Variants in CCDC144A observed in about 807,000 individuals in gnomAD.
CCDC144A encodes the protein coiled-coil domain containing 144A.
In CCDC144A, 41 loss-of-function variants were observed where a neutral mutation model predicts 143.8. That is an observed-to-expected ratio of 0.29 (90% CI 0.22 to 0.37). CCDC144A has a LOEUF of 0.37. CCDC144A is among the 10% of genes least tolerant of loss of function. The pLI is 1.00. For missense variants in CCDC144A, 637 were observed against 1,488.8 expected, an observed-to-expected ratio of 0.43 and a Z score of 9.41; for synonymous variants, 242 against 517.9, an observed-to-expected ratio of 0.47 and a Z score of 7.23.
intron 2 of CCDC144A, among the ~76,000 whole-genome samples, chr17:16,701,705 G>A (rs1383816181): frequency 4.6e-5 from 7 of 151,394 alleles, no homozygotes; most frequent in African/African-American, 1.7e-4. Context: ...TCCTCATGTT[G>A]TGTTCATCAG....
the CCDC144A span, among the ~76,000 whole-genome samples, chr17:16,682,904 T>TG: frequency 4.9e-5 from 6 of 123,550 alleles, no homozygotes; most frequent in Admixed American, 8.3e-5. Flanking sequence ...TTTTTTTTTT[T>TG]TTTTTTTTTT....
At chr17:16,725,281 G>T (rs1567595524) in intron 8 of CCDC144A, among the ~76,000 whole-genome samples, 1 of 151,742 alleles carries the variant, frequency 6.6e-6, no homozygotes, top group Non-Finnish European at 1.5e-5. Flanking sequence ...AAATTTGTCT[G>T]TCATCAAGCT....
chr17:16,777,219 C>T lies in CCDC144A; in HGVS notation c.*3586C>T, dbSNP rs1916029878. ...AGATCCCAAATTTATAAAACAATTA[C>T]TACTAGACATAAGAAATGAGGTAGT... is the stretch of plus-strand genomic sequence containing the variant. On this transcript the variant is annotated 3_prime_UTR_variant, in exon 17 of 17. Transcript: ENST00000399273. 7.2e-6 allele frequency: 1 copy of T among 139,016 alleles called. No individual in the cohort carries two copies. Among genetic ancestry groups the T allele is most frequent in the Non-Finnish European group, 1.5e-5 (1 of 65,090 alleles). The allele number at this position is 139,016 out of a possible 1,614,324, so 8.6% of individuals were successfully genotyped here.
chr17:16,672,114 A>C, the CCDC144A span, among the ~76,000 whole-genome samples: 4 of 152,256 alleles, frequency 2.6e-5, no homozygotes, highest in African/African-American at 9.6e-5. Context: ...GATTTTTAAT[A>C]GGAATTTAGA....
chr17:16,754,295 A>G (rs1303165491), intron 12 of CCDC144A, among the ~76,000 whole-genome samples: 16 of 151,940 alleles, frequency 1.1e-4, no homozygotes, highest in Non-Finnish European at 2.2e-4. Context: ...CTTCTACTAC[A>G]TTTGAGTTTT....
chr17:16,762,042 G>T (rs968808744), intron 13 of CCDC144A, among the ~76,000 whole-genome samples: 4 of 152,182 alleles, frequency 2.6e-5, no homozygotes, highest in African/African-American at 9.6e-5. Flanking sequence ...TTTAAGTTAC[G>T]TTGTTCCACT....
At chr17:16,743,835 C>A (rs1914370047) in intron 12 of CCDC144A, among the ~76,000 whole-genome samples, 1 of 152,192 alleles carries the variant, frequency 6.6e-6, no homozygotes, top group Admixed American at 6.5e-5. Flanking sequence ...CATTGTCCAA[C>A]CCAGTCCCCC....
chr17:16,722,270 G>A (rs1227616191), intron 8 of CCDC144A, among the ~76,000 whole-genome samples: 2 of 152,068 alleles, frequency 1.3e-5, no homozygotes, highest in African/African-American at 4.8e-5. Context: ...TGTATTTAGG[G>A]ATAAACCCCA....
At chr17:16,740,720 G>T (rs1230920407) in intron 12 of CCDC144A, among the ~76,000 whole-genome samples, 1 of 152,128 alleles carries the variant, frequency 6.6e-6, no homozygotes, top group Admixed American at 6.5e-5. Context: ...CTGAGGAAAT[G>T]GAAATGAAGA....
intron 6 of CCDC144A, chr17:16,712,131 A>G (rs1912489377): frequency 6.3e-6 from 1 of 158,310 alleles, no homozygotes; most frequent in South Asian, 1.6e-4. Flanking sequence ...ACTCCATTTC[A>G]AAAAAAAAAA....
At chr17:16,748,563 T>C (rs1465290942) in intron 12 of CCDC144A, among the ~76,000 whole-genome samples, 3 of 152,182 alleles carry the variant, frequency 2.0e-5, no homozygotes, top group Non-Finnish European at 4.4e-5. Context: ...TTATTCATTG[T>C]GTCTTTGCTG....
chr17:16,777,078 C>T lies in CCDC144A; in HGVS notation c.*3445C>T, dbSNP rs1023106868. 3 of 139,664 alleles carry T rather than the reference C, an allele frequency of 2.1e-5. No individual in the cohort carries two copies. Among genetic ancestry groups the T allele is most frequent in the South Asian group, 2.5e-4 (1 of 3,982 alleles). 8.7% of individuals were successfully genotyped at this position (139,664 alleles called of 1,614,324 possible). A position where few individuals can be genotyped will look rare whatever the true frequency, so the allele number is the denominator to read the frequency against. ...GTAGCTGTTCTTATATCAGACAAAA[C>T]GGACTTTAAGACAACAGCAGTTTTA... is the stretch of plus-strand genomic sequence containing the variant. On this transcript the variant is annotated 3_prime_UTR_variant, in exon 17 of 17. Coordinates refer to ENST00000399273, the MANE Select transcript of CCDC144A (RefSeq NM_001382000.1).
chr17:16,699,266 CCA>C (rs1194360067), intron 2 of CCDC144A, among the ~76,000 whole-genome samples: 1 of 148,934 alleles, frequency 6.7e-6, no homozygotes, highest in Non-Finnish European at 1.5e-5. Flanking sequence ...AATTGGATTA[CCA>C]CACTTTTAAC....
At chr17:16,705,029 G>A (rs1440728270) in intron 2 of CCDC144A, 122 bp from the exon 3 acceptor site, 2 of 801,048 alleles carry the variant, frequency 2.5e-6, no homozygotes, top group Non-Finnish European at 4.2e-6. Context: ...TGAATGCATA[G>A]TGTGTTGTGG....
intron 6 of CCDC144A, among the ~76,000 whole-genome samples, chr17:16,715,725 C>T (rs1434113503): frequency 6.6e-6 from 1 of 152,188 alleles, no homozygotes; most frequent in Non-Finnish European, 1.5e-5. Context: ...GACAGAGCAG[C>T]TGTTGATCTT....
chr17:16,746,096 T>G, intron 12 of CCDC144A: 1 of 1,601,850 alleles, frequency 6.2e-7, no homozygotes, highest in Non-Finnish European at 8.5e-7. Flanking sequence ...CGGGCCTGGC[T>G]TTTACGACTG....
chr17:16,767,803 T>G (rs1261154739), intron 15 of CCDC144A, among the ~76,000 whole-genome samples: 2 of 152,262 alleles, frequency 1.3e-5, no homozygotes, highest in Non-Finnish European at 2.9e-5. Flanking sequence ...TGAAACAAGT[T>G]TTCTCTACAT....
At chr17:16,761,741 T>C (rs1472257644) in intron 13 of CCDC144A, 23 bp downstream of exon 13, 3 of 1,595,810 alleles carry the variant, frequency 1.9e-6, no homozygotes, top group East Asian at 2.2e-5. Context: ...ATCTGTAATG[T>C]GCTTTCATTC....
chr17:16,667,387 G>A, the CCDC144A span, among the ~76,000 whole-genome samples: 1 of 151,904 alleles, frequency 6.6e-6, no homozygotes, highest in Non-Finnish European at 1.5e-5. Flanking sequence ...AGGCTGGTGA[G>A]GGGCTTGAGG....
Sources: allele counts gnomAD v4.1 joint callset (sites outside exome capture counted in the v4.1 genomes callset), GRCh38; gene constraint gnomAD v4.1.1; transcripts MANE v1.5; gene names NCBI Gene and HGNC (gene_info 2026-07-23, HGNC 2026-07-21).